Variants in EEF1AKMT1 observed in about 807,000 individuals in gnomAD.
The protein encoded by EEF1AKMT1 is N-6 adenine-specific DNA methyltransferase 2 (putative).
Under a neutral mutation model 21.0 loss-of-function variants are expected in EEF1AKMT1, and 18 were observed. That is an observed-to-expected ratio of 0.86 (90% confidence interval 0.59 to 1.27). The LOEUF (loss-of-function observed/expected upper bound fraction) is 1.27, where lower values mean the gene tolerates loss of function less well. EEF1AKMT1 is among the 50% of genes most tolerant of loss of function. The probability of loss-of-function intolerance (pLI) is 0.00; values close to 1 mark genes in which losing one functional copy is unlikely to be tolerated. For missense variants in EEF1AKMT1, 246 were observed against 258.6 expected, an observed-to-expected ratio of 0.95 and a Z score of 0.33; for synonymous variants, 109 against 94.8, an observed-to-expected ratio of 1.15 and a Z score of -0.87.
chr13:20,732,270 GA>G, intron 3 of EEF1AKMT1, 149 bp from the exon 4 acceptor site: 1 of 777,698 alleles, frequency 1.3e-6, no homozygotes, highest in Non-Finnish European at 1.9e-6. Flanking sequence ...TTAATGTTGA[GA>G]AAAAACTTTA....
intron 3 of EEF1AKMT1, among the ~76,000 whole-genome samples, chr13:20,736,633 A>G (rs1595012944): frequency 6.6e-6 from 1 of 152,032 alleles, no homozygotes; most frequent in East Asian, 1.9e-4. Flanking sequence ...AAGAAGTTGA[A>G]ATATGTTTGA....
intron 1 of EEF1AKMT1, among the ~76,000 whole-genome samples, chr13:20,769,706 T>C (rs1446798180): frequency 6.6e-6 from 1 of 151,436 alleles, no homozygotes; most frequent in Non-Finnish European, 1.5e-5. Flanking sequence ...GCTTCCAGAG[T>C]TATCACATTA....
chr13:20,773,483 C>T (rs1034589987), intron 1 of EEF1AKMT1, among the ~76,000 whole-genome samples: 1 of 152,238 alleles, frequency 6.6e-6, no homozygotes, highest in Non-Finnish European at 1.5e-5. Flanking sequence ...CAGGAGCGGA[C>T]AGTCAGGCCT....
In EEF1AKMT1 at chr13:20,772,993, G is replaced by A. The variant is rs184769077; in HGVS notation, c.-20+928C>T. Among the ~76,000 whole-genome samples the A allele has an allele frequency of 2.3e-4, 35 of 152,176 alleles. No homozygotes were observed. In the East Asian group the frequency reaches 4.4e-3, roughly 19 times the overall value. ...GAGAGCAAGGCTCCCTCTATGAATG[G>A]GTAAGGCCTAGATATTCTCCAAATA... On this transcript the variant is annotated intron_variant, in intron 1 of 4. Transcript: ENST00000382758.
At chr13:20,751,021 A>ATGG (rs1007750862) in intron 2 of EEF1AKMT1, among the ~76,000 whole-genome samples, 2 of 152,086 alleles carry the variant, frequency 1.3e-5, no homozygotes, top group African/African-American at 4.8e-5. Context: ...GCCCATTTTA[A>ATGG]TGGGATTATT....
rs1389536469 is a variant in EEF1AKMT1, at chr13:20,743,428, G to A, written c.145-5623C>T. ...CACCTTGACTTTAATTTTGTGTGTG[G>A]ATTATAAAGATTGAATTTTTTTTTC... is the stretch of plus-strand genomic sequence containing the variant. On this transcript the variant is annotated intron_variant, in intron 2 of 4. Transcript: ENST00000382758. Among the ~76,000 whole-genome samples, 7 of 150,828 alleles carry A rather than the reference G, an allele frequency of 4.6e-5. 1 individual carries two copies. The Admixed American group carries it at 4.7e-4, about 10-fold the overall frequency.
At position 20,731,844 on chromosome 13, in the gene EEF1AKMT1, T is replaced by C. The variant is rs750125960; in HGVS notation, c.505A>G (p.Thr169Ala). ...YLTRGKILLC[T>A]GAIMEEQAAE... ...AGATATGAAATGCAGCACCTACCTG[T>C]GCACAGCAGAATCTTGCCCCGCGTC... Residue 169 changes from threonine (T) to alanine (A), a missense_variant, in exon 4 of 5, where the codon ACA becomes GCA. Coordinates refer to ENST00000382758, the MANE Select transcript of EEF1AKMT1 (RefSeq NM_001318939.2). The C allele has an allele frequency of 1.2e-6, 2 of 1,612,736 alleles. No individual in the cohort carries two copies. The highest frequency in any genetic ancestry group is 1.7e-6 in the Non-Finnish European group (2 of 1,179,036).
intron 1 of EEF1AKMT1, among the ~76,000 whole-genome samples, chr13:20,766,920 ATTTTAC>A (rs1595032026): frequency 6.6e-6 from 1 of 152,136 alleles, no homozygotes; most frequent in Non-Finnish European, 1.5e-5. Context: ...GTTGTCATAC[ATTTTAC>A]TTTTACATTT....
At chr13:20,768,051 A>G (rs2059045233) in intron 1 of EEF1AKMT1, among the ~76,000 whole-genome samples, 1 of 152,126 alleles carries the variant, frequency 6.6e-6, no homozygotes, top group Admixed American at 6.5e-5. Context: ...ACAGGATATA[A>G]ATTTATTTTA....
intron 2 of EEF1AKMT1, among the ~76,000 whole-genome samples, chr13:20,746,248 G>T (rs1761973078): frequency 1.3e-5 from 2 of 151,994 alleles, no homozygotes; most frequent in Admixed American, 1.3e-4. Context: ...CACTTCCCAG[G>T]TTCAAGTGAT....
At chr13:20,766,673 T>C (rs2141439633) in intron 1 of EEF1AKMT1, among the ~76,000 whole-genome samples, 1 of 151,998 alleles carries the variant, frequency 6.6e-6, no homozygotes, top group Middle Eastern at 3.4e-3. Flanking sequence ...AATACAAAAA[T>C]TAGCCAGGTG....
chr13:20,736,569 G>A (rs2058827382), intron 3 of EEF1AKMT1, among the ~76,000 whole-genome samples: 1 of 151,944 alleles, frequency 6.6e-6, no homozygotes, highest in Non-Finnish European at 1.5e-5. Context: ...ACCAGCGCAA[G>A]ACCATGCACA....
chr13:20,729,002 T>TA lies in EEF1AKMT1; in HGVS notation c.*77dup. On this transcript the variant is annotated 3_prime_UTR_variant, in exon 5 of 5. Coordinates refer to ENST00000382758, the MANE Select transcript of EEF1AKMT1 (RefSeq NM_001318939.2). ...AGTTTGGGGGGAGGGGAAGAGATTA[T>TA]AACTTTTAAATCTACTACGAAAATA... The TA allele has an allele frequency of 6.3e-7, 1 of 1,575,578 alleles. No homozygotes were observed. The highest frequency in any genetic ancestry group is 1.7e-4 in the Middle Eastern group (1 of 5,940).
chr13:20,755,994 A>G (rs1309204093), intron 2 of EEF1AKMT1, among the ~76,000 whole-genome samples: 2 of 152,228 alleles, frequency 1.3e-5, no homozygotes, highest in Non-Finnish European at 2.9e-5. Context: ...GTAAACAGAC[A>G]TAAAGAAGGG....
rs2059027122 is a variant in EEF1AKMT1, at chr13:20,765,701, G to A, written c.-19-8084C>T. ...GCTGGGATTACAGGCATGAGCCACT[G>A]CGTCTGGCCTCTTCTCTTGGTTTTA... On this transcript the variant is annotated intron_variant, in intron 1 of 4. Coordinates refer to ENST00000382758, the MANE Select transcript of EEF1AKMT1 (RefSeq NM_001318939.2). Among the ~76,000 whole-genome samples, 6 of 151,788 alleles carry A rather than the reference G, an allele frequency of 4.0e-5. No homozygotes were observed. The South Asian group carries it at 1.0e-3, about 26-fold the overall frequency.
intron 3 of EEF1AKMT1, 65 bp downstream of exon 3, chr13:20,737,658 T>C (rs1748886265): frequency 2.6e-5 from 34 of 1,317,548 alleles, no homozygotes; most frequent in Non-Finnish European, 3.7e-5. Flanking sequence ...ACAAACCATC[T>C]GTCATCCAGG....
In EEF1AKMT1 at chr13:20,748,715, G is replaced by GGTTTGTTTTT. The variant is rs1555326495; in HGVS notation, c.144+8739_144+8740insAAAAACAAAC. Among the ~76,000 whole-genome samples, 22 of 105,808 alleles carry GGTTTGTTTTT rather than the reference G, an allele frequency of 2.1e-4. 2 individuals are homozygous for GGTTTGTTTTT. The highest frequency in any genetic ancestry group is 7.4e-4 in the African/African-American group (20 of 27,122). The allele number at this position is 105,808 out of a possible 152,430, so 69.4% of individuals were successfully genotyped here. A position where few individuals can be genotyped will look rare whatever the true frequency, so the allele number is the denominator to read the frequency against. On this transcript the variant is annotated intron_variant, in intron 2 of 4. Coordinates refer to ENST00000382758, the MANE Select transcript of EEF1AKMT1 (RefSeq NM_001318939.2). Reference sequence around the variant, plus strand: ...TTCTTCACCCTCCTAATGTATAGTTGTTTTTTTTTGGTTTTTTTTTTTTTT... The same window carrying GGTTTGTTTTT: ...TTCTTCACCCTCCTAATGTATAGTTGGTTTGTTTTTTTTTTTTTTGGTTTTTTTTTTTTTT...
At chr13:20,760,637 G>A (rs2058996806) in intron 1 of EEF1AKMT1, among the ~76,000 whole-genome samples, 1 of 151,976 alleles carries the variant, frequency 6.6e-6, no homozygotes, top group Admixed American at 6.6e-5. Flanking sequence ...CCAAACTCCA[G>A]TATCACCCAA....
At chr13:20,746,158 A>ATT (rs974565526) in intron 2 of EEF1AKMT1, among the ~76,000 whole-genome samples, 1 of 145,688 alleles carries the variant, frequency 6.9e-6, no homozygotes. Flanking sequence ...TCTATCCATT[A>ATT]TTTTTTTTTT....
Sources: gnomAD v4.1 joint callset for allele counts (sites outside exome capture counted in the v4.1 genomes callset) on GRCh38, gnomAD v4.1.1 for gene constraint, MANE v1.5 for transcripts, NCBI Gene and HGNC (gene_info 2026-07-23, HGNC 2026-07-21) for gene names.